GRID2: variants seen among roughly 807,000 people sequenced by gnomAD.
GRID2 encodes glutamate receptor ionotropic, delta-2.
GRID2 carries 33 observed loss-of-function variants against 114.8 expected under a neutral mutation model. The observed-to-expected ratio is 0.29, with a 90% confidence interval of 0.22 to 0.38. The LOEUF is 0.38. Ranked by LOEUF, GRID2 falls within the 10% of genes least tolerant of loss-of-function variation. The pLI, the probability that GRID2 is intolerant of heterozygous loss-of-function variation, is 1.00. For missense variants in GRID2, 1,184 were observed against 1,257.7 expected, an observed-to-expected ratio of 0.94 and a Z score of 0.89; for synonymous variants, 505 against 449.9, an observed-to-expected ratio of 1.12 and a Z score of -1.55.
At position 93,752,360 on chromosome 4, in the gene GRID2, T is replaced by TTTTATTTATTTATTTA. The variant is rs58427324; in HGVS notation, c.2361-16838_2361-16823dup. ...TTCCTAACTAATACTCATACTGTTC[T>TTTTATTTATTTATTTA]TTTATTTATTTATTTATTTATTTAT... On this transcript the variant is annotated intron_variant, in intron 14 of 15. Coordinates refer to ENST00000282020, the MANE Select transcript of GRID2 (RefSeq NM_001510.4). 4.1e-3 allele frequency among the ~76,000 whole-genome samples: 611 copies of TTTTATTTATTTATTTA among 149,250 alleles called. 2 individuals are homozygous for TTTTATTTATTTATTTA. The highest frequency in any genetic ancestry group is 0.022 in the South Asian group (103 of 4,590).
chr4:93,060,688 T>C (rs1033821758), intron 2 of GRID2, among the ~76,000 whole-genome samples: 1 of 152,188 alleles, frequency 6.6e-6, no homozygotes, highest in African/African-American at 2.4e-5. Context: ...GCTAACTTTT[T>C]TCCTAATGAC....
chr4:93,574,821 G>A (rs574267079), intron 13 of GRID2, among the ~76,000 whole-genome samples: 1 of 152,282 alleles, frequency 6.6e-6, no homozygotes, highest in Non-Finnish European at 1.5e-5. Context: ...GTTATCTGTG[G>A]CTGTGTAATA....
chr4:93,078,767 T>G (rs1729582809), intron 2 of GRID2, among the ~76,000 whole-genome samples: 1 of 146,704 alleles, frequency 6.8e-6, no homozygotes, highest in Admixed American at 6.8e-5. Context: ...AATTATATTA[T>G]ATTTATATAC....
chr4:92,380,721 A>G (rs1203111473), intron 1 of GRID2, among the ~76,000 whole-genome samples: 4 of 151,966 alleles, frequency 2.6e-5, no homozygotes, highest in Admixed American at 2.6e-4. Flanking sequence ...GAGTCATATG[A>G]TGTAGTTGCT....
At chr4:93,725,733 G>T (rs1168210400) in intron 14 of GRID2, among the ~76,000 whole-genome samples, 1 of 151,928 alleles carries the variant, frequency 6.6e-6, no homozygotes, top group African/African-American at 2.4e-5. Context: ...CTGATGGCCA[G>T]TGATGATGAG....
At chr4:93,565,958 A>G (rs781133129) in intron 13 of GRID2, among the ~76,000 whole-genome samples, 1 of 152,204 alleles carries the variant, frequency 6.6e-6, no homozygotes, top group Non-Finnish European at 1.5e-5. Flanking sequence ...GGCTTAACCC[A>G]ACAAAGGTTT....
intron 1 of GRID2, among the ~76,000 whole-genome samples, chr4:92,426,298 A>C (rs1732153743): frequency 6.6e-6 from 1 of 152,140 alleles, no homozygotes; most frequent in Non-Finnish European, 1.5e-5. Flanking sequence ...GGTCCACGGA[A>C]TATATGGTAA....
chr4:92,794,849 CAG>C (rs1297882739), intron 2 of GRID2, among the ~76,000 whole-genome samples: 2 of 140,274 alleles, frequency 1.4e-5, no homozygotes, highest in African/African-American at 5.5e-5. Context: ...ACTGATAACA[CAG>C]AGTCATTTAA....
intron 8 of GRID2, among the ~76,000 whole-genome samples, chr4:93,331,311 A>G (rs1422880691): frequency 1.3e-5 from 2 of 150,214 alleles, no homozygotes; most frequent in African/African-American, 5.0e-5. Context: ...TGCTTGGGAA[A>G]TTCTTCTCCC....
At chr4:92,752,465 A>G (rs1553923865) in intron 2 of GRID2, among the ~76,000 whole-genome samples, 1 of 152,206 alleles carries the variant, frequency 6.6e-6, no homozygotes, top group Non-Finnish European at 1.5e-5. Context: ...TTAGCAAAAT[A>G]AGAGTGTACA....
chr4:92,584,450 G>A (rs1018212165), intron 1 of GRID2, among the ~76,000 whole-genome samples: 1 of 151,942 alleles, frequency 6.6e-6, no homozygotes, highest in Non-Finnish European at 1.5e-5. Context: ...ATTCTGAATA[G>A]CTCTGCAGAA....
intron 8 of GRID2, among the ~76,000 whole-genome samples, chr4:93,304,180 T>C (rs1011513899): frequency 1.0e-4 from 15 of 148,122 alleles, no homozygotes; most frequent in Non-Finnish European, 2.1e-4. Flanking sequence ...AACTTTATTT[T>C]CGTAAAATCT....
intron 1 of GRID2, among the ~76,000 whole-genome samples, chr4:92,381,760 T>C (rs1729631483): frequency 6.6e-6 from 1 of 152,028 alleles, no homozygotes; most frequent in Non-Finnish European, 1.5e-5. Context: ...AAATCTGAAC[T>C]GAACTCTGGT....
chr4:92,686,693 T>A (rs1733923249), intron 2 of GRID2, among the ~76,000 whole-genome samples: 1 of 151,948 alleles, frequency 6.6e-6, no homozygotes, highest in Admixed American at 6.6e-5. Flanking sequence ...TCAAAATAAT[T>A]TGATAATATT....
intron 1 of GRID2, among the ~76,000 whole-genome samples, chr4:92,411,645 G>GTATATATATATATATATA (rs1390740726): frequency 3.2e-5 from 3 of 92,856 alleles, no homozygotes; most frequent in Non-Finnish European, 6.6e-5. Flanking sequence ...GTGTGTGTGT[G>GTATATATATATATATATA]TGTGTGTGTG....
chr4:93,001,758 A>T (rs1356514163), intron 2 of GRID2, among the ~76,000 whole-genome samples: 6 of 151,746 alleles, frequency 4.0e-5, no homozygotes, highest in Non-Finnish European at 4.4e-5. Context: ...TTCATTCAAC[A>T]TTTCAATGAA....
intron 2 of GRID2, among the ~76,000 whole-genome samples, chr4:92,794,825 T>C (rs1739772052): frequency 1.4e-5 from 2 of 147,080 alleles, no homozygotes; most frequent in African/African-American, 5.0e-5. Context: ...CGGCTACTGT[T>C]GACCAGAAGC....
chr4:93,283,663 A>C (rs1181590916), intron 8 of GRID2, among the ~76,000 whole-genome samples: 1 of 152,054 alleles, frequency 6.6e-6, no homozygotes, highest in African/African-American at 2.4e-5. Context: ...CTAGGATGGT[A>C]CACTGGTGCA....
chr4:93,233,253 G>A (rs1181456256), intron 7 of GRID2, among the ~76,000 whole-genome samples: 1 of 151,878 alleles, frequency 6.6e-6, no homozygotes, highest in African/African-American at 2.4e-5. Flanking sequence ...GACCATCAAG[G>A]GTTTGATAAA....
Sources: gnomAD v4.1 joint callset for allele counts (sites outside exome capture counted in the v4.1 genomes callset) on GRCh38, gnomAD v4.1.1 for gene constraint, MANE v1.5 for transcripts, NCBI Gene and HGNC (gene_info 2026-07-23, HGNC 2026-07-21) for gene names.